The following BMPR1B variants were observed in gnomAD, a reference collection of about 807,000 sequenced individuals.
BMPR1B encodes bone morphogenetic protein receptor type 1B, also known as bone morphogenetic protein receptor type-1B.
A neutral mutation model predicts 59.1 loss-of-function variants in BMPR1B; 12 were observed. The observed-to-expected ratio is 0.20, with a 90% CI of 0.13 to 0.33. The LOEUF is 0.33. Ranked by LOEUF, BMPR1B falls within the 10% of genes least tolerant of loss-of-function variation. The probability of loss-of-function intolerance (pLI) is 1.00; values close to 1 mark genes in which losing one functional copy is unlikely to be tolerated. For synonymous variants in BMPR1B, 237 were observed against 207.3 expected, an observed-to-expected ratio of 1.14 and a Z score of -1.23; for missense variants, 550 against 610.9, an observed-to-expected ratio of 0.90 and a Z score of 1.05.
rs1038733865 is a variant in BMPR1B, at chr4:95,155,426, T to C, written c.*753T>C. 6.6e-6 allele frequency: 1 copy of C among 150,944 alleles called. No individual in the cohort carries two copies. Among genetic ancestry groups the C allele is most frequent in the East Asian group, 1.9e-4 (1 of 5,146 alleles). The allele number at this position is 150,944 out of a possible 1,614,324, so 9.4% of individuals were successfully genotyped here. A position where few individuals can be genotyped will look rare whatever the true frequency, so the allele number is the denominator to read the frequency against. ...AGATCCACTTCTGTTTCTGATTGAG[T>C]TAGGCATCTCTTTCATGGTAAAACC... is the stretch of plus-strand genomic sequence containing the variant. On this transcript the variant is annotated 3_prime_UTR_variant, in exon 13 of 13. Transcript: ENST00000515059.
Position 94,947,751 on chromosome 4 carries a change from T to C in BMPR1B, c.-112-48289T>C, listed in dbSNP as rs568322056. On this transcript the variant is annotated intron_variant, in intron 2 of 12. Coordinates refer to ENST00000515059, the MANE Select transcript of BMPR1B (RefSeq NM_001203.3). The stretch of plus-strand genomic sequence containing the variant: ...CTTACGTATTGTCTGGTCTGTCTTA[T>C]CTCCTGTAGCGCCAGTCCTCCTTAC... Among the ~76,000 whole-genome samples, 7 of 152,338 alleles carry C rather than the reference T, an allele frequency of 4.6e-5. No individual in the cohort carries two copies. In the East Asian group the frequency reaches 1.4e-3, roughly 29 times the overall value.
Position 95,131,200 on chromosome 4 carries a change from C to G in BMPR1B, c.779-15C>G, listed in dbSNP as rs1455866517. 6.2e-7 allele frequency: 1 copy of G among 1,611,102 alleles called. No individual in the cohort carries two copies. ...TTTGGAAAACACTAAACCTTTTCATCTTTTTTCCTTTTAGGTTTCATTGCT... is the reference window on the plus strand; with the variant it reads ...TTTGGAAAACACTAAACCTTTTCATGTTTTTTCCTTTTAGGTTTCATTGCT... On this transcript the variant is annotated splice_polypyrimidine_tract_variant and intron_variant, in intron 9 of 12. Coordinates refer to ENST00000515059, the MANE Select transcript of BMPR1B (RefSeq NM_001203.3).
chr4:94,805,619 C>A (rs995767918), intron 1 of BMPR1B, among the ~76,000 whole-genome samples: 2 of 151,958 alleles, frequency 1.3e-5, no homozygotes, highest in Non-Finnish European at 2.9e-5. Flanking sequence ...ATTATTATTC[C>A]CAAAAGTTCA....
chr4:95,070,425 CA>C (rs1255404476), intron 3 of BMPR1B, among the ~76,000 whole-genome samples: 1 of 152,090 alleles, frequency 6.6e-6, no homozygotes, highest in East Asian at 1.9e-4. Flanking sequence ...TGATGTTCAT[CA>C]GAGAGAATGC....
intron 7 of BMPR1B, 41 bp downstream of exon 7, chr4:95,123,947 G>GT (rs746442102): frequency 7.1e-7 from 1 of 1,401,064 alleles, no homozygotes. Context: ...TTAATTTATA[G>GT]TGTCTTCTTT....
rs376327229 is a variant in BMPR1B at position 94,772,077 on chromosome 4, GTCA to G, written c.-183+14015_-183+14017del. ...TTCTCTAACATTTTAGTGACTCTAGGTCATCATCTGTAATAGAGATATTACCTA... is the reference window on the plus strand; with the variant it reads ...TTCTCTAACATTTTAGTGACTCTAGGTCATCTGTAATAGAGATATTACCTA... On this transcript the variant is annotated intron_variant, in intron 1 of 12. Transcript: ENST00000515059. 3.3e-5 allele frequency among the ~76,000 whole-genome samples: 5 copies of G among 152,210 alleles called. No homozygotes were observed. In the East Asian group the frequency reaches 7.7e-4, roughly 24 times the overall value.
At chr4:95,008,996 A>T (rs1340241770) in intron 3 of BMPR1B, among the ~76,000 whole-genome samples, 2 of 152,158 alleles carry the variant, frequency 1.3e-5, no homozygotes, top group East Asian at 3.9e-4. Context: ...TGATGATTGC[A>T]GTGAACTGTG....
chr4:95,014,798 G>A (rs746146717), intron 3 of BMPR1B, among the ~76,000 whole-genome samples: 3 of 152,082 alleles, frequency 2.0e-5, no homozygotes, highest in African/African-American at 4.8e-5. Flanking sequence ...TTCAAGATTC[G>A]GACCTTTTTG....
intron 1 of BMPR1B, among the ~76,000 whole-genome samples, chr4:94,868,842 T>A (rs1380224418): frequency 6.6e-6 from 1 of 152,202 alleles, no homozygotes; most frequent in African/African-American, 2.4e-5. Context: ...ACCTCAAGTA[T>A]TCCCAGTTTG....
chr4:95,041,464 G>A (rs1040255194), intron 3 of BMPR1B, among the ~76,000 whole-genome samples: 1 of 152,122 alleles, frequency 6.6e-6, no homozygotes, highest in Non-Finnish European at 1.5e-5. Context: ...AGTGCTTATT[G>A]TTACCTCCTC....
At chr4:94,849,774 A>G (rs1725493336) in intron 1 of BMPR1B, among the ~76,000 whole-genome samples, 2 of 141,146 alleles carry the variant, frequency 1.4e-5, no homozygotes, top group Admixed American at 7.0e-5. Context: ...GGGGCATAAT[A>G]AGGTAGGAGG....
intron 2 of BMPR1B, among the ~76,000 whole-genome samples, chr4:94,892,613 C>A (rs1024240955): frequency 6.6e-6 from 1 of 151,932 alleles, no homozygotes. Flanking sequence ...AGAAGTAATT[C>A]TATTGGTATG....
At chr4:94,865,516 G>A (rs1393425292) in intron 1 of BMPR1B, among the ~76,000 whole-genome samples, 2 of 151,510 alleles carry the variant, frequency 1.3e-5, no homozygotes, top group African/African-American at 2.4e-5. Context: ...TCAGCCTCCC[G>A]AGTAGCTGGA....
intron 1 of BMPR1B, among the ~76,000 whole-genome samples, chr4:94,831,590 A>G (rs1219526796): frequency 6.6e-6 from 1 of 152,128 alleles, no homozygotes; most frequent in Non-Finnish European, 1.5e-5. Flanking sequence ...TTTTTATGGT[A>G]CAGTTTTGCC....
intron 2 of BMPR1B, among the ~76,000 whole-genome samples, chr4:94,877,954 G>T (rs748075126): frequency 6.6e-6 from 1 of 152,178 alleles, no homozygotes; most frequent in Non-Finnish European, 1.5e-5. Context: ...GCATGCACAT[G>T]TGTGCGTGTG....
intron 6 of BMPR1B, among the ~76,000 whole-genome samples, chr4:95,121,036 G>A (rs1732485855): frequency 6.6e-6 from 1 of 152,158 alleles, no homozygotes; most frequent in African/African-American, 2.4e-5. Flanking sequence ...TTGAACTCCT[G>A]AACTCAGGTG....
At chr4:94,906,885 CACAA>C (rs1469920521) in intron 2 of BMPR1B, among the ~76,000 whole-genome samples, 1 of 152,008 alleles carries the variant, frequency 6.6e-6, no homozygotes, top group East Asian at 1.9e-4. Context: ...GGCTCCTTAA[CACAA>C]ACAAGATCAT....
intron 3 of BMPR1B, among the ~76,000 whole-genome samples, chr4:95,037,210 G>T (rs1030356200): frequency 1.3e-5 from 2 of 152,142 alleles, no homozygotes; most frequent in African/African-American, 2.4e-5. Flanking sequence ...TAGGATGGGG[G>T]CAGGGCTTAA....
chr4:95,149,071 G>A, intron 11 of BMPR1B, 148 bp downstream of exon 11: 2 of 1,046,952 alleles, frequency 1.9e-6, no homozygotes, highest in Non-Finnish European at 2.9e-6. Flanking sequence ...AGTGCTTCCA[G>A]GAAATTATAT....
Sources: allele counts gnomAD v4.1 joint callset (sites outside exome capture counted in the v4.1 genomes callset), GRCh38; gene constraint gnomAD v4.1.1; transcripts MANE v1.5; gene names NCBI Gene and HGNC (gene_info 2026-07-23, HGNC 2026-07-21).